The following DNAJB11 variants were observed in gnomAD, a reference collection of about 807,000 sequenced individuals.
The protein encoded by DNAJB11 is DnaJ heat shock protein family (Hsp40) member B11.
In DNAJB11, 30 loss-of-function variants were observed where a neutral mutation model predicts 47.2. The ratio of observed to expected loss-of-function variants is 0.64; its 90% CI spans 0.48 to 0.86. The LOEUF is 0.86. Ranked by LOEUF, DNAJB11 falls within the 40% of genes least tolerant of loss-of-function variation. The probability of loss-of-function intolerance (pLI) is 0.00; values close to 1 mark genes in which losing one functional copy is unlikely to be tolerated. For missense variants in DNAJB11, 357 were observed against 440.2 expected (o/e 0.81, Z 1.69); for synonymous variants, 151 against 159.9 (o/e 0.94, Z 0.42).
intron 4 of DNAJB11, chr3:186,580,372 G>A (rs1403531425): frequency 6.6e-6 from 1 of 152,148 alleles, no homozygotes; most frequent in African/African-American, 2.4e-5. Flanking sequence ...CAATGGTTAA[G>A]GAGCATGGAC....
At chr3:186,577,023 TAATCTC>T (rs1393481890) in intron 3 of DNAJB11, among the ~76,000 whole-genome samples, 1 of 152,232 alleles carries the variant, frequency 6.6e-6, no homozygotes, top group Non-Finnish European at 1.5e-5. Flanking sequence ...CCTTTTTTGT[TAATCTC>T]AAGTTACTCT....
Position 186,570,832 on chromosome 3 carries a change from C to A in DNAJB11, c.-66C>A. The A allele has an allele frequency of 6.6e-7, 1 of 1,507,742 alleles. No homozygotes were observed. The highest frequency in any genetic ancestry group is 9.0e-7 in the Non-Finnish European group (1 of 1,109,712). 93.4% of individuals were successfully genotyped at this position (1,507,742 alleles called of 1,614,324 possible). A position where few individuals can be genotyped will look rare whatever the true frequency, so the allele number is the denominator to read the frequency against. Reference sequence around the variant, plus strand: ...GGCCTCACAGGGCCGGGTGGGCTGGCGAGCCGACGCGGCGGCGGAGGAGGC... The same window carrying A: ...GGCCTCACAGGGCCGGGTGGGCTGGAGAGCCGACGCGGCGGCGGAGGAGGC... On this transcript the variant is annotated 5_prime_UTR_variant, in exon 1 of 10. Transcript: ENST00000265028.
chr3:186,584,048 T>C lies in DNAJB11; in HGVS notation c.852+72T>C, dbSNP rs193279285. 473 of 1,108,820 alleles carry C rather than the reference T, an allele frequency of 4.3e-4. 3 individuals are homozygous for C. The African/African-American group carries it at 6.4e-3, about 15-fold the overall frequency. 68.7% of individuals were successfully genotyped at this position (1,108,820 alleles called of 1,614,324 possible). ...GTGGGTAGTTTTGAGATGTATCAGC[T>C]GTTTCAGTCATTGAGAACCAGATGG... On this transcript the variant is annotated intron_variant, in intron 8 of 9. Transcript: ENST00000265028.
chr3:186,585,522 T>C lies in DNAJB11; in HGVS notation c.*114T>C, dbSNP rs987653755. ...TTTTCAATATGCAAGTTAGGCTTAA[T>C]TTTTTTATCTAATGATCATCATGAA... On this transcript the variant is annotated 3_prime_UTR_variant, in exon 10 of 10. Coordinates refer to ENST00000265028, the MANE Select transcript of DNAJB11 (RefSeq NM_016306.6). The C allele has an allele frequency of 1.6e-6, 1 of 638,702 alleles. No homozygotes were observed. Among genetic ancestry groups the C allele is most frequent in the Non-Finnish European group, 2.6e-6 (1 of 381,524 alleles). The allele number at this position is 638,702 out of a possible 1,614,324, so 39.6% of individuals were successfully genotyped here.
At chr3:186,571,955 G>A in intron 1 of DNAJB11, 140 bp from the exon 2 acceptor site, 3 of 576,620 alleles carry the variant, frequency 5.2e-6, no homozygotes, top group Non-Finnish European at 8.6e-6. Flanking sequence ...TTCTTTGTGT[G>A]TGTATGTGTC....
At position 186,584,423 on chromosome 3, in the gene DNAJB11, TTTC is replaced by T; in HGVS notation, c.853-5_853-3del. 1 of 1,541,758 alleles carries T rather than the reference TTTC, an allele frequency of 6.5e-7. No individual in the cohort carries two copies. On this transcript the variant is annotated splice_region_variant and splice_polypyrimidine_tract_variant and intron_variant, in intron 8 of 9. Coordinates refer to ENST00000265028, the MANE Select transcript of DNAJB11 (RefSeq NM_016306.6). The stretch of plus-strand genomic sequence containing the variant: ...CCTGCTGCAGTACATTCCCTTTGGT[TTTC>T]TAGGTACATATTTCCCGGGATAAGA...
At chr3:186,572,062 T>C (rs778052998) in intron 1 of DNAJB11, 33 bp from the exon 2 acceptor site, 1 of 1,520,130 alleles carries the variant, frequency 6.6e-7, no homozygotes, top group East Asian at 2.3e-5. Context: ...CATGTAACTC[T>C]TTAATGAAGT....
At position 186,582,741 on chromosome 3, in the gene DNAJB11, T is replaced by A; in HGVS notation, c.708T>A (p.Pro236=). 6.3e-7 allele frequency: 1 copy of A among 1,590,906 alleles called. No homozygotes were observed. Among genetic ancestry groups the A allele is most frequent in the Non-Finnish European group, 8.6e-7 (1 of 1,167,224 alleles). The change falls in exon 7 of 10, where the codon CCT becomes CCA. Residue 236 remains proline, a synonymous_variant. Transcript: ENST00000265028. ...GTGAGCCTCACGTGGATGGGGAGCC[T>A]GGAGATTTACGGTTCCGAATCAAAG... ...GEGEPHVDGE[P]GDLRFRIKVV... is the part of the protein sequence containing the mutation.
chr3:186,577,709 G>A lies in DNAJB11; in HGVS notation c.365G>A (p.Arg122His), dbSNP rs1715347491. ...GGTTTCATGTTTGGAGGAACCCCTC[G>A]TCAGCAAGACAGAAATATTCCAAGA... ...DFGFMFGGTP[R>H]QQDRNIPRGS... Residue 122 changes from arginine to histidine, a missense_variant, in exon 4 of 10, where the codon CGT becomes CAT. Arg to His is a conservative substitution (Grantham distance 29). Transcript: ENST00000265028. 6.2e-7 allele frequency: 1 copy of A among 1,604,292 alleles called. No homozygotes were observed. The highest frequency in any genetic ancestry group is 8.5e-7 in the Non-Finnish European group (1 of 1,175,664).
chr3:186,580,115 T>C (rs368449943), intron 4 of DNAJB11: 7 of 152,304 alleles, frequency 4.6e-5, no homozygotes, highest in East Asian at 3.9e-4. Context: ...GTGAGCCTAA[T>C]TAGCGCCCAT....
intron 3 of DNAJB11, among the ~76,000 whole-genome samples, chr3:186,576,378 G>A (rs142262654): frequency 4.6e-4 from 70 of 152,264 alleles, no homozygotes; most frequent in African/African-American, 1.6e-3. Context: ...AAGGAATTAG[G>A]GTAGAGGACC....
At chr3:186,572,854 A>T (rs1715133131) in intron 2 of DNAJB11, among the ~76,000 whole-genome samples, 1 of 152,240 alleles carries the variant, frequency 6.6e-6, no homozygotes, top group South Asian at 2.1e-4. Flanking sequence ...TGTCATACAA[A>T]TGCAAACAGT....
rs770180426 is a variant in DNAJB11 at position 186,575,904 on chromosome 3, G to T, written c.290G>T (p.Gly97Val). ...TATGGTGAAGAAGGATTAAAAGATG[G>T]TCATCAGAGCTCCCATGGAGACATT... ...DTYGEEGLKD[G>V]HQSSHGDIFS... The change falls in exon 3 of 10, where the codon GGT becomes GTT. Residue 97 changes from glycine to valine, a missense_variant. By Grantham distance (109) the Gly-to-Val change is moderately radical (BLOSUM62 -3). Transcript: ENST00000265028. 19 of 1,613,934 alleles carry T rather than the reference G, an allele frequency of 1.2e-5. No individual in the cohort carries two copies. Among genetic ancestry groups the T allele is most frequent in the African/African-American group, 2.7e-5 (2 of 75,028 alleles).
At chr3:186,573,052 C>T (rs919188770) in intron 2 of DNAJB11, among the ~76,000 whole-genome samples, 4 of 152,132 alleles carry the variant, frequency 2.6e-5, no homozygotes, top group Admixed American at 6.5e-5. Flanking sequence ...TGTGTATCAT[C>T]TCATTTAATC....
intron 7 of DNAJB11, among the ~76,000 whole-genome samples, chr3:186,583,557 G>C (rs1715558251): frequency 6.6e-6 from 1 of 152,170 alleles, no homozygotes; most frequent in African/African-American, 2.4e-5. Context: ...TGTGAGCCCA[G>C]CTCAGGAAAA....
intron 4 of DNAJB11, chr3:186,578,954 C>T (rs889208245): frequency 2.0e-5 from 3 of 152,164 alleles, no homozygotes; most frequent in Admixed American, 2.0e-4. Context: ...CAGTGGAGCA[C>T]ACTTGTAATC....
At position 186,583,989 on chromosome 3, in the gene DNAJB11, A is replaced by G. The variant is rs367669098; in HGVS notation, c.852+13A>G. ...GGATGGTCACAAGGTAAACAAACCA[A>G]TTTACTCGTTCTGCATCCTTTTGAA... On this transcript the variant is annotated intron_variant, in intron 8 of 9. Coordinates refer to ENST00000265028, the MANE Select transcript of DNAJB11 (RefSeq NM_016306.6). 4 of 1,573,180 alleles carry G rather than the reference A, an allele frequency of 2.5e-6. No individual in the cohort carries two copies. The highest frequency in any genetic ancestry group is 2.7e-5 in the African/African-American group (2 of 73,752).
At chr3:186,575,417 G>A (rs1441969750) in intron 2 of DNAJB11, among the ~76,000 whole-genome samples, 1 of 151,744 alleles carries the variant, frequency 6.6e-6, no homozygotes, top group Non-Finnish European at 1.5e-5. Context: ...TTTGGGTAGG[G>A]GGTGTTATAG....
chr3:186,582,016 G>A lies in DNAJB11; in HGVS notation c.621G>A (p.Thr207=), dbSNP rs368496191. 4.9e-5 allele frequency: 79 copies of A among 1,613,486 alleles called. No homozygotes were observed. Among genetic ancestry groups the A allele is most frequent in the Middle Eastern group, 1.6e-4 (1 of 6,084 alleles). ...TCAGACTAGTGAATGAAGAACGAACGCTGGAAGTAGAAATAGAGCCTGGGG... is the reference window on the plus strand; with the variant it reads ...TCAGACTAGTGAATGAAGAACGAACACTGGAAGTAGAAATAGAGCCTGGGG... ...PNVKLVNEER[T]LEVEIEPGVR... Residue 207 remains threonine, a synonymous_variant, in exon 6 of 10, where the codon ACG becomes ACA. Coordinates refer to ENST00000265028, the MANE Select transcript of DNAJB11 (RefSeq NM_016306.6).
Sources: allele counts gnomAD v4.1 joint callset (sites outside exome capture counted in the v4.1 genomes callset), GRCh38; gene constraint gnomAD v4.1.1; transcripts MANE v1.5; gene names NCBI Gene and HGNC (gene_info 2026-07-23, HGNC 2026-07-21).